SAXO1: variants seen among roughly 807,000 people sequenced by gnomAD.
SAXO1 encodes the protein stabilizer of axonemal microtubules 1, also known as 4930500O09Rik.
Under a neutral mutation model 17.5 loss-of-function variants are expected in SAXO1, and 21 were observed. The observed-to-expected ratio is 1.20, with a 90% CI of 0.85 to 1.72. The LOEUF (loss-of-function observed/expected upper bound fraction) is 1.72, where lower values mean the gene tolerates loss of function less well. SAXO1 is among the 40% of genes most tolerant of loss of function. The pLI is 0.00. For synonymous variants in SAXO1, 274 were observed against 216.5 expected (o/e 1.27, Z -2.33); for missense variants, 843 against 596.0 (o/e 1.41, Z -4.32).
chr9:19,028,005 G>C (rs565302622), intron 1 of SAXO1: 5 of 1,602,034 alleles, frequency 3.1e-6, no homozygotes, highest in Non-Finnish European at 4.3e-6. Context: ...CCCAGTGCAA[G>C]GCTGTGTCTG....
At chr9:18,981,961 G>A (rs915236217) in intron 1 of SAXO1, among the ~76,000 whole-genome samples, 1 of 152,164 alleles carries the variant, frequency 6.6e-6, no homozygotes, top group Non-Finnish European at 1.5e-5. Flanking sequence ...CCTGACACAA[G>A]AGAATGAAGA....
chr9:19,014,310 A>C (rs1834875234), intron 1 of SAXO1, among the ~76,000 whole-genome samples: 1 of 151,672 alleles, frequency 6.6e-6, no homozygotes, highest in Admixed American at 6.6e-5. Flanking sequence ...AAAATACAAA[A>C]ACTTAGCTGG....
At chr9:19,000,043 C>A (rs1418371662) in intron 1 of SAXO1, among the ~76,000 whole-genome samples, 1 of 148,168 alleles carries the variant, frequency 6.7e-6, no homozygotes, top group African/African-American at 2.5e-5. Context: ...AGCGCCTCTG[C>A]CCAGCCGCCA....
chr9:19,043,920 G>A (rs900378086), intron 1 of SAXO1, among the ~76,000 whole-genome samples: 8 of 152,060 alleles, frequency 5.3e-5, no homozygotes, highest in African/African-American at 1.2e-4. Context: ...TGAGGCAGGC[G>A]GATCACCTGA....
At chr9:19,021,517 A>T (rs556069804) in intron 1 of SAXO1, among the ~76,000 whole-genome samples, 1 of 152,214 alleles carries the variant, frequency 6.6e-6, no homozygotes, top group Non-Finnish European at 1.5e-5. Flanking sequence ...CCTGACATGG[A>T]AGTTCTCTGG....
Position 18,936,288 on chromosome 9 carries a change from T to A in SAXO1, c.421+5349A>T, listed in dbSNP as rs751358608. 4.6e-5 allele frequency among the ~76,000 whole-genome samples: 7 copies of A among 152,202 alleles called. No homozygotes were observed. In the East Asian group the frequency reaches 7.7e-4, roughly 17 times the overall value. On this transcript the variant is annotated intron_variant, in intron 3 of 3. Transcript: ENST00000380534. ...TCTCCAAGAGCCATTAACGGCTCTA[T>A]CAGCATCTTGAAAGCATTAGGGGGC...
chr9:18,928,678 G>T lies in SAXO1; in HGVS notation c.799C>A (p.Pro267Thr), dbSNP rs113182590. ...CGAAACTCAGTGGTGTTACAGAAAG[G>T]CATGTCTAGCCCAGGAGGCCTGGCT... ...PLARPPGLDMPFCNTTEFRDK... is the reference protein window; with the variant it reads ...PLARPPGLDMTFCNTTEFRDK... The change falls in exon 4 of 4, where the codon CCT (proline) becomes ACT (threonine). Residue 267 changes from proline (P) to threonine (T), a missense_variant. Coordinates refer to ENST00000380534, the MANE Select transcript of SAXO1 (RefSeq NM_153707.4). The T allele has an allele frequency of 1.9e-6, 3 of 1,614,128 alleles. No individual in the cohort carries two copies. Among genetic ancestry groups the T allele is most frequent in the East Asian group, 2.2e-5 (1 of 44,866 alleles).
chr9:18,992,119 A>G lies in SAXO1; in HGVS notation c.38+40752T>C, dbSNP rs188791437. On this transcript the variant is annotated intron_variant, in intron 1 of 3. Coordinates refer to ENST00000380534, the MANE Select transcript of SAXO1 (RefSeq NM_153707.4). ...CTATAGATAAGGGAAATCAGGCTGAAAAGATTTATAAAGTTGCCTATTCCC... is the reference window on the plus strand; with the variant it reads ...CTATAGATAAGGGAAATCAGGCTGAGAAGATTTATAAAGTTGCCTATTCCC... Among the ~76,000 whole-genome samples the G allele has an allele frequency of 1.1e-4, 17 of 152,322 alleles. No individual in the cohort carries two copies. The East Asian group carries it at 3.3e-3, about 29-fold the overall frequency.
At chr9:19,027,723 A>T (rs1835557981) in intron 1 of SAXO1, 7 of 1,415,186 alleles carry the variant, frequency 4.9e-6, no homozygotes, top group Non-Finnish European at 6.9e-6. Context: ...AAGCACTTTG[A>T]CAGCGAGAAG....
intron 1 of SAXO1, among the ~76,000 whole-genome samples, chr9:18,988,772 T>C (rs1349045132): frequency 6.6e-6 from 1 of 152,228 alleles, no homozygotes; most frequent in Non-Finnish European, 1.5e-5. Flanking sequence ...GTATGATTTA[T>C]GTGATGCTGA....
intron 1 of SAXO1, chr9:19,027,637 C>T (rs1420530134): frequency 2.1e-6 from 3 of 1,416,038 alleles, no homozygotes; most frequent in Non-Finnish European, 3.0e-6. Context: ...CCAAGCTAGT[C>T]CGGGATGCCT....
At chr9:18,990,095 G>A (rs1196751858) in intron 1 of SAXO1, among the ~76,000 whole-genome samples, 3 of 152,052 alleles carry the variant, frequency 2.0e-5, no homozygotes, top group East Asian at 1.9e-4. Flanking sequence ...ACATAGGTAC[G>A]CTCAGTGGCA....
chr9:18,999,225 GAC>G (rs1301147873), intron 1 of SAXO1, among the ~76,000 whole-genome samples: 10 of 152,264 alleles, frequency 6.6e-5, no homozygotes, highest in African/African-American at 2.4e-4. Flanking sequence ...TAGGTGGAAA[GAC>G]ACACACAGGC....
chr9:18,928,822 G>A lies in SAXO1; in HGVS notation c.655C>T (p.Arg219Cys), dbSNP rs200219104. The A allele has an allele frequency of 6.8e-5, 110 of 1,613,986 alleles. No homozygotes were observed. Among genetic ancestry groups the A allele is most frequent in the South Asian group, 1.4e-4 (13 of 91,080 alleles). Residue 219 changes from arginine to cysteine, a missense_variant, in exon 4 of 4, where the codon CGC becomes TGC. Transcript: ENST00000380534. Reference sequence around the variant, plus strand: ...AACTTCTCTGCTTCATGCACAAAGCGCTTCTCCACGGGGTGGGCCACATAG... The same window carrying A: ...AACTTCTCTGCTTCATGCACAAAGCACTTCTCCACGGGGTGGGCCACATAG... ...MSYVAHPVEK[R>C]FVHEAEKFRP...
chr9:18,987,601 T>G (rs1833646825), intron 1 of SAXO1, among the ~76,000 whole-genome samples: 2 of 152,114 alleles, frequency 1.3e-5, no homozygotes, highest in Admixed American at 1.3e-4. Context: ...GAGCAAAAAC[T>G]CGATTCTCTT....
At chr9:18,959,049 G>C (rs1462990300) in intron 1 of SAXO1, among the ~76,000 whole-genome samples, 1 of 152,114 alleles carries the variant, frequency 6.6e-6, no homozygotes, top group Middle Eastern at 3.2e-3. Flanking sequence ...ATGAGGGCTG[G>C]GAAAAAGACA....
chr9:18,952,301 C>T (rs1832066849), intron 1 of SAXO1, among the ~76,000 whole-genome samples: 1 of 152,164 alleles, frequency 6.6e-6, no homozygotes, highest in African/African-American at 2.4e-5. Flanking sequence ...ACTGATTTTT[C>T]ATCACAGAAA....
chr9:19,018,775 A>C (rs542142255), intron 1 of SAXO1, among the ~76,000 whole-genome samples: 1 of 152,218 alleles, frequency 6.6e-6, no homozygotes, highest in African/African-American at 2.4e-5. Flanking sequence ...AGGACGCTGA[A>C]GTCTGGGTAT....
chr9:19,004,568 G>A (rs531263788), intron 1 of SAXO1, among the ~76,000 whole-genome samples: 1 of 152,290 alleles, frequency 6.6e-6, no homozygotes, highest in African/African-American at 2.4e-5. Flanking sequence ...CTTTTTCATG[G>A]ACATGGATGA....
Sources: allele counts gnomAD v4.1 joint callset (sites outside exome capture counted in the v4.1 genomes callset), GRCh38; gene constraint gnomAD v4.1.1; transcripts MANE v1.5; gene names NCBI Gene and HGNC (gene_info 2026-07-23, HGNC 2026-07-21).